FAR2: variants seen among roughly 807,000 people sequenced by gnomAD.
The protein encoded by FAR2 is epididymis secretory protein Li 81.
Under a neutral mutation model 56.0 loss-of-function variants are expected in FAR2, and 19 were observed. The ratio of observed to expected loss-of-function variants is 0.34; its 90% CI spans 0.24 to 0.50. FAR2 has a LOEUF of 0.50. Ranked by LOEUF, FAR2 falls within the 20% of genes least tolerant of loss-of-function variation. The pLI is 0.98. For synonymous variants in FAR2, 219 were observed against 218.8 expected (o/e 1.00, Z -0.01); for missense variants, 508 against 642.2 (o/e 0.79, Z 2.26).
chr12:29,295,317 G>A (rs1400610918), intron 3 of FAR2, among the ~76,000 whole-genome samples: 3 of 151,792 alleles, frequency 2.0e-5, no homozygotes, highest in East Asian at 1.9e-4. Flanking sequence ...CAGGTGATCC[G>A]CCCGCCTCGG....
At chr12:29,188,734 T>C (rs1334100990) in intron 1 of FAR2, among the ~76,000 whole-genome samples, 1 of 152,114 alleles carries the variant, frequency 6.6e-6, no homozygotes, top group African/African-American at 2.4e-5. Flanking sequence ...TGATATTTCC[T>C]CAGTCTTTTC....
intron 1 of FAR2, among the ~76,000 whole-genome samples, chr12:29,194,455 G>A (rs1950128339): frequency 6.6e-6 from 1 of 151,302 alleles, no homozygotes. Flanking sequence ...TGGGTATTGT[G>A]GCTAGTCCAT....
intron 8 of FAR2, 87 bp from the exon 9 acceptor site, chr12:29,316,754 T>G: frequency 7.8e-7 from 1 of 1,289,584 alleles, no homozygotes; most frequent in Non-Finnish European, 1.1e-6. Flanking sequence ...TTCGTCTTTA[T>G]TGTTTTGACC....
chr12:29,274,221 A>G (rs1444510936), intron 2 of FAR2, among the ~76,000 whole-genome samples: 6 of 107,960 alleles, frequency 5.6e-5, no homozygotes, highest in South Asian at 3.5e-4. Context: ...AGGCCCCGGT[A>G]TGTGATGTTC....
intron 1 of FAR2, among the ~76,000 whole-genome samples, chr12:29,167,736 G>T (rs1023021196): frequency 6.6e-6 from 1 of 152,166 alleles, no homozygotes; most frequent in Non-Finnish European, 1.5e-5. Flanking sequence ...AACAGTTCAA[G>T]AATTATCCTG....
chr12:29,316,387 TTTACA>T (rs1402655926), intron 8 of FAR2, among the ~76,000 whole-genome samples: 1 of 152,230 alleles, frequency 6.6e-6, no homozygotes, highest in Non-Finnish European at 1.5e-5. Context: ...CTTGAGAATC[TTTACA>T]ATCTTTTACT....
At chr12:29,205,487 T>C (rs1947468860) in intron 1 of FAR2, among the ~76,000 whole-genome samples, 1 of 152,196 alleles carries the variant, frequency 6.6e-6, no homozygotes, top group Non-Finnish European at 1.5e-5. Flanking sequence ...ATGAATGACA[T>C]GTGGATACTA....
intron 10 of FAR2, among the ~76,000 whole-genome samples, chr12:29,326,426 A>G (rs1445270783): frequency 6.6e-6 from 1 of 152,148 alleles, no homozygotes; most frequent in Non-Finnish European, 1.5e-5. Flanking sequence ...TCCTGATACC[A>G]AAGCCTGGCA....
intron 2 of FAR2, among the ~76,000 whole-genome samples, chr12:29,273,473 G>T (rs1431763505): frequency 6.6e-6 from 1 of 152,228 alleles, no homozygotes; most frequent in East Asian, 1.9e-4. Context: ...GGGCTGTGGG[G>T]ACAAGTCTTG....
intron 2 of FAR2, among the ~76,000 whole-genome samples, chr12:29,286,322 G>C (rs568620993): frequency 6.6e-5 from 10 of 152,132 alleles, no homozygotes; most frequent in Non-Finnish European, 1.5e-4. Flanking sequence ...TGTGCCAAGT[G>C]ATACAGCAAA....
At chr12:29,173,948 A>G (rs1411103538) in intron 1 of FAR2, among the ~76,000 whole-genome samples, 1 of 152,128 alleles carries the variant, frequency 6.6e-6, no homozygotes, top group Non-Finnish European at 1.5e-5. Context: ...TAGACCACAA[A>G]GAGGACTGAG....
At chr12:29,187,212 C>T (rs918642458) in intron 1 of FAR2, among the ~76,000 whole-genome samples, 7 of 151,920 alleles carry the variant, frequency 4.6e-5, no homozygotes, top group Non-Finnish European at 8.8e-5. Context: ...CTTTTTTTTA[C>T]AATATCAATT....
chr12:29,236,474 C>T (rs776714214), intron 1 of FAR2, among the ~76,000 whole-genome samples: 4 of 152,096 alleles, frequency 2.6e-5, no homozygotes, highest in African/African-American at 7.2e-5. Flanking sequence ...CTCATGGTTC[C>T]GCATGGCTGG....
chr12:29,321,244 G>A (rs1949546128), intron 9 of FAR2, among the ~76,000 whole-genome samples: 1 of 152,038 alleles, frequency 6.6e-6, no homozygotes, highest in South Asian at 2.1e-4. Context: ...TGAGAAATAA[G>A]GCCAGGTGCA....
Position 29,321,731 on chromosome 12 carries a change from C to T in FAR2, c.1128-64C>T, listed in dbSNP as rs1212109103. The T allele has an allele frequency of 5.9e-6, 9 of 1,527,460 alleles. No homozygotes were observed. The East Asian group carries it at 1.2e-4, about 20-fold the overall frequency. 94.6% of individuals were successfully genotyped at this position (1,527,460 alleles called of 1,614,324 possible). ...ATTTTCTTAAAAATAATTTCTCATA[C>T]ATCCCTGTAGAGTGACAGGGAAGTG... On this transcript the variant is annotated intron_variant, in intron 9 of 11. Coordinates refer to ENST00000536681, the MANE Select transcript of FAR2 (RefSeq NM_001271783.2).
rs572802401 is a variant in FAR2, at chr12:29,282,782, G to A, written c.190-10518G>A. ...ATCACATCTGACTTCCAGTTTCCCT[G>A]CTGTCAAAGAGAAACTATTAAATGG... is the stretch of plus-strand genomic sequence containing the variant. On this transcript the variant is annotated intron_variant, in intron 2 of 11. Coordinates refer to ENST00000536681, the MANE Select transcript of FAR2 (RefSeq NM_001271783.2). Among the ~76,000 whole-genome samples the A allele has an allele frequency of 9.1e-4, 138 of 152,108 alleles. 2 individuals are homozygous for A. The highest frequency in any genetic ancestry group is 2.9e-3 in the African/African-American group (122 of 41,506).
intron 1 of FAR2, among the ~76,000 whole-genome samples, chr12:29,254,140 C>G (rs1444950897): frequency 1.3e-5 from 2 of 152,104 alleles, no homozygotes; most frequent in Admixed American, 1.3e-4. Context: ...GGGCTGTTCC[C>G]AACAGCTGTC....
intron 1 of FAR2, among the ~76,000 whole-genome samples, chr12:29,250,165 C>G (rs1260465921): frequency 2.6e-5 from 4 of 151,626 alleles, no homozygotes; most frequent in East Asian, 3.9e-4. Flanking sequence ...AATACAGTCT[C>G]TGTTTCAAGT....
chr12:29,166,692 G>T (rs781038246), intron 1 of FAR2, among the ~76,000 whole-genome samples: 1 of 152,154 alleles, frequency 6.6e-6, no homozygotes, highest in Non-Finnish European at 1.5e-5. Flanking sequence ...TAAAGCACCC[G>T]ATTTTTAGAA....
Sources: allele counts gnomAD v4.1 joint callset (sites outside exome capture counted in the v4.1 genomes callset), GRCh38; gene constraint gnomAD v4.1.1; transcripts MANE v1.5; gene names NCBI Gene and HGNC (gene_info 2026-07-23, HGNC 2026-07-21).